NEO1: variants seen among roughly 807,000 people sequenced by gnomAD.
NEO1 encodes neogenin 1.
In NEO1, 63 loss-of-function variants were observed where a neutral mutation model predicts 159.7. That is an observed-to-expected ratio of 0.39 (90% CI 0.32 to 0.49). The LOEUF is 0.49. NEO1 is among the 20% of genes least tolerant of loss of function. NEO1 has a pLI of 0.85. For synonymous variants in NEO1, 633 were observed against 662.0 expected (o/e 0.96, Z 0.67); for missense variants, 1,615 against 1,831.0 (o/e 0.88, Z 2.15).
chr15:73,249,029 A>G (rs80297933), intron 9 of NEO1, 31 bp from the exon 10 acceptor site: 1 of 1,611,514 alleles, frequency 6.2e-7, no homozygotes. Context: ...CATTTCATTT[A>G]TATCTTGCTT....
chr15:73,236,289 GT>G, intron 7 of NEO1, 57 bp from the exon 8 acceptor site: 1 of 1,612,676 alleles, frequency 6.2e-7, no homozygotes, highest in Non-Finnish European at 8.5e-7. Context: ...ATGACAAGAT[GT>G]TGCCATCCCA....
At chr15:73,140,815 CT>C (rs2151776676) in intron 5 of NEO1, among the ~76,000 whole-genome samples, 1 of 152,270 alleles carries the variant, frequency 6.6e-6, no homozygotes, top group East Asian at 1.9e-4. Context: ...CACAAACACC[CT>C]TGAAGAAGCC....
chr15:73,165,241 A>G (rs1425625682), intron 5 of NEO1, among the ~76,000 whole-genome samples: 2 of 152,170 alleles, frequency 1.3e-5, no homozygotes, highest in Non-Finnish European at 2.9e-5. Flanking sequence ...CACACCAAAA[A>G]TATGAATAGT....
At chr15:73,257,727 A>G (rs2040436171) in intron 13 of NEO1, among the ~76,000 whole-genome samples, 1 of 152,172 alleles carries the variant, frequency 6.6e-6, no homozygotes, top group African/African-American at 2.4e-5. Context: ...CTCTTTGCAT[A>G]GTACCTCATT....
intron 4 of NEO1, among the ~76,000 whole-genome samples, chr15:73,132,106 A>C (rs2031206203): frequency 6.6e-6 from 1 of 152,208 alleles, no homozygotes; most frequent in East Asian, 1.9e-4. Context: ...GATGCATGAC[A>C]GCACTGATTG....
At position 73,301,251 on chromosome 15, in the gene NEO1, C is replaced by T; in HGVS notation, c.4166-70C>T. The T allele has an allele frequency of 4.4e-6, 7 of 1,599,198 alleles. No individual in the cohort carries two copies. The South Asian group carries it at 7.8e-5, about 18-fold the overall frequency. On this transcript the variant is annotated intron_variant, in intron 27 of 28. Coordinates refer to ENST00000261908, the MANE Select transcript of NEO1 (RefSeq NM_002499.4). Reference sequence around the variant, plus strand: ...CTCTCACCCCGAAGCAGCACTTGGACCTTAGGGCCTTCATGAGGTCTAGGG... The same window carrying T: ...CTCTCACCCCGAAGCAGCACTTGGATCTTAGGGCCTTCATGAGGTCTAGGG...
intron 5 of NEO1, among the ~76,000 whole-genome samples, chr15:73,166,780 C>T (rs990161685): frequency 3.3e-5 from 5 of 152,082 alleles, no homozygotes; most frequent in African/African-American, 1.2e-4. Context: ...AACTTTAGGA[C>T]AAAGATATTC....
chr15:73,132,115 T>C (rs1017413133), intron 4 of NEO1, among the ~76,000 whole-genome samples: 2 of 152,212 alleles, frequency 1.3e-5, no homozygotes, highest in African/African-American at 4.8e-5. Flanking sequence ...CAGCACTGAT[T>C]GTGTTTTTGC....
At chr15:73,176,884 G>A (rs1053337420) in intron 6 of NEO1, among the ~76,000 whole-genome samples, 3 of 152,156 alleles carry the variant, frequency 2.0e-5, no homozygotes, top group Non-Finnish European at 4.4e-5. Flanking sequence ...GTGTATGTGT[G>A]TCCCCAGTTG....
intron 1 of NEO1, among the ~76,000 whole-genome samples, chr15:73,086,309 A>G (rs1028029782): frequency 1.3e-5 from 2 of 152,064 alleles, no homozygotes; most frequent in Admixed American, 1.3e-4. Flanking sequence ...TGCCTATCCC[A>G]CATTGTCTTG....
At chr15:73,301,271 C>T in intron 27 of NEO1, 50 bp from the exon 28 acceptor site, 1 of 1,611,954 alleles carries the variant, frequency 6.2e-7, no homozygotes, top group Admixed American at 1.7e-5. Flanking sequence ...TTCATGAGGT[C>T]TAGGGGAGGC....
At chr15:73,244,295 G>T in intron 8 of NEO1, 49 bp from the exon 9 acceptor site, 1 of 1,563,548 alleles carries the variant, frequency 6.4e-7, no homozygotes, top group South Asian at 1.2e-5. Flanking sequence ...TGTACATTCT[G>T]GAAGTATTCC....
rs2042728886 is a variant in NEO1 at position 73,304,838 on chromosome 15, A to C, written c.*2142A>C. 1 of 152,194 alleles carries C rather than the reference A, an allele frequency of 6.6e-6. No homozygotes were observed. 9.4% of individuals were successfully genotyped at this position (152,194 alleles called of 1,614,324 possible). A position where few individuals can be genotyped will look rare whatever the true frequency, so the allele number is the denominator to read the frequency against. On this transcript the variant is annotated 3_prime_UTR_variant, in exon 29 of 29. Coordinates refer to ENST00000261908, the MANE Select transcript of NEO1 (RefSeq NM_002499.4). ...TGGGGGAGGGGCCTATTTTTAAATA[A>C]AATAACTGTTCAAAGTTGGGGGTTT...
At chr15:73,144,739 C>T (rs62016850) in intron 5 of NEO1, among the ~76,000 whole-genome samples, 1 of 152,052 alleles carries the variant, frequency 6.6e-6, no homozygotes, top group African/African-American at 2.4e-5. Flanking sequence ...CCTCAGAAAT[C>T]GCATGTCCAA....
chr15:73,197,213 G>T (rs1239880683), intron 7 of NEO1, among the ~76,000 whole-genome samples: 2 of 152,050 alleles, frequency 1.3e-5, no homozygotes, highest in African/African-American at 4.8e-5. Flanking sequence ...ACAAAAATTA[G>T]CCGGGTGTGG....
rs1595809424 is a variant in NEO1 at position 73,303,216 on chromosome 15, C to G, written c.*520C>G. 1 of 153,030 alleles carries G rather than the reference C, an allele frequency of 6.5e-6. No individual in the cohort carries two copies. Among genetic ancestry groups the G allele is most frequent in the African/African-American group, 2.4e-5 (1 of 41,410 alleles). 9.5% of individuals were successfully genotyped at this position (153,030 alleles called of 1,614,324 possible). On this transcript the variant is annotated 3_prime_UTR_variant, in exon 29 of 29. Coordinates refer to ENST00000261908, the MANE Select transcript of NEO1 (RefSeq NM_002499.4). ...ATGGAAAGTCTTTGACAGTGTGGGT[C>G]GTTCCTGGGGTTGGCTTGTTTTTTG...
intron 5 of NEO1, among the ~76,000 whole-genome samples, chr15:73,157,343 A>G (rs1266824901): frequency 6.6e-6 from 1 of 152,220 alleles, no homozygotes; most frequent in Middle Eastern, 3.2e-3. Context: ...TCCCAGGACC[A>G]TCCACAGCTT....
chr15:73,270,271 A>G, intron 17 of NEO1, 38 bp downstream of exon 17: 1 of 1,613,904 alleles, frequency 6.2e-7, no homozygotes, highest in East Asian at 2.2e-5. Flanking sequence ...AAAGCTAATC[A>G]TTGATACTTT....
intron 7 of NEO1, among the ~76,000 whole-genome samples, chr15:73,206,260 A>G (rs950946253): frequency 6.6e-6 from 1 of 151,974 alleles, no homozygotes; most frequent in South Asian, 2.1e-4. Flanking sequence ...TCTAATATTG[A>G]TATCTCTTGA....
Sources: gnomAD v4.1 joint callset for allele counts (sites outside exome capture counted in the v4.1 genomes callset) on GRCh38, gnomAD v4.1.1 for gene constraint, MANE v1.5 for transcripts, NCBI Gene and HGNC (gene_info 2026-07-23, HGNC 2026-07-21) for gene names.